NUMB: variants seen among roughly 807,000 people sequenced by gnomAD.
The protein encoded by NUMB is protein numb homolog.
Under a neutral mutation model 59.7 loss-of-function variants are expected in NUMB, and 29 were observed. That is an observed-to-expected ratio of 0.49 (90% CI 0.36 to 0.66). The LOEUF (loss-of-function observed/expected upper bound fraction) is 0.66. NUMB is among the 30% of genes least tolerant of loss of function. NUMB has a pLI of 0.00. For synonymous variants in NUMB, 288 were observed against 288.2 expected (o/e 1.00, Z 0.01); for missense variants, 723 against 822.0 (o/e 0.88, Z 1.47).
intron 1 of NUMB, among the ~76,000 whole-genome samples, chr14:73,440,087 T>C (rs1442755414): frequency 6.6e-6 from 1 of 151,948 alleles, no homozygotes; most frequent in Non-Finnish European, 1.5e-5. Flanking sequence ...GCCAACAAAT[T>C]GCTATTGGAA....
chr14:73,308,118 T>C (rs1890566997), intron 6 of NUMB, among the ~76,000 whole-genome samples: 1 of 152,090 alleles, frequency 6.6e-6, no homozygotes, highest in African/African-American at 2.4e-5. Flanking sequence ...GGTAGTAGGA[T>C]GCTAGTAGGA....
intron 2 of NUMB, among the ~76,000 whole-genome samples, chr14:73,398,739 A>T (rs1404350447): frequency 1.3e-5 from 2 of 152,172 alleles, no homozygotes; most frequent in Non-Finnish European, 2.9e-5. Flanking sequence ...GATAAGACCA[A>T]ATATTGGTGA....
At chr14:73,394,410 A>ATTTTT (rs1896017440) in intron 2 of NUMB, among the ~76,000 whole-genome samples, 1 of 149,894 alleles carries the variant, frequency 6.7e-6, no homozygotes, top group Non-Finnish European at 1.5e-5. Flanking sequence ...TTCTTTAAAA[A>ATTTTT]AAAAAAAAAA....
Position 73,275,839 on chromosome 14 carries a change from T to C in NUMB, c.*739A>G, listed in dbSNP as rs1888114701. On this transcript the variant is annotated 3_prime_UTR_variant, in exon 13 of 13. Coordinates refer to ENST00000555238, the MANE Select transcript of NUMB (RefSeq NM_001005743.2). ...GTCTGCAGCTTCCAGCCTTTCCTCT[T>C]TTTATTTCAGTAGGCATCAATGATA... 6.6e-6 allele frequency: 1 copy of C among 152,658 alleles called. No individual in the cohort carries two copies. Among genetic ancestry groups the C allele is most frequent in the Non-Finnish European group, 1.5e-5 (1 of 68,030 alleles). 9.5% of individuals were successfully genotyped at this position (152,658 alleles called of 1,614,324 possible).
chr14:73,436,842 G>T (rs1453486991), intron 1 of NUMB, among the ~76,000 whole-genome samples: 1 of 151,430 alleles, frequency 6.6e-6, no homozygotes, highest in Non-Finnish European at 1.5e-5. Flanking sequence ...AGCTGGGCGT[G>T]GTGGTGCCTG....
At chr14:73,293,000 G>A (rs888191029) in intron 7 of NUMB, 126 bp from the exon 8 acceptor site, 1 of 947,320 alleles carries the variant, frequency 1.1e-6, no homozygotes, top group East Asian at 2.5e-5. Flanking sequence ...GGAATACCTA[G>A]ATCTGTGTCC....
intron 11 of NUMB, among the ~76,000 whole-genome samples, chr14:73,280,978 C>T (rs1051257039): frequency 6.6e-6 from 1 of 152,066 alleles, no homozygotes; most frequent in Non-Finnish European, 1.5e-5. Context: ...ATGTGAGCCA[C>T]CGCACCCAGC....
At chr14:73,377,988 TACACATACACACACACACACACACAC>T (rs1020637308) in intron 2 of NUMB, among the ~76,000 whole-genome samples, 8 of 105,996 alleles carry the variant, frequency 7.5e-5, no homozygotes, top group South Asian at 5.4e-4. Flanking sequence ...GATATATATA[TACACATACACACACACACACACACAC>T]ACACATACAC....
At chr14:73,361,644 T>G (rs986050574) in intron 3 of NUMB, among the ~76,000 whole-genome samples, 1 of 152,146 alleles carries the variant, frequency 6.6e-6, no homozygotes, top group African/African-American at 2.4e-5. Context: ...CCCCTGTGTC[T>G]GTTGTTTCCT....
At position 73,276,471 on chromosome 14, in the gene NUMB, A is replaced by G. The variant is rs1343057848; in HGVS notation, c.*107T>C. On this transcript the variant is annotated 3_prime_UTR_variant, in exon 13 of 13. Coordinates refer to ENST00000555238, the MANE Select transcript of NUMB (RefSeq NM_001005743.2). ...GGACTTGTTCCTTGGGACCTTTGGG[A>G]TTAGTGAAAAGAGTACTAATCAGGA... The G allele has an allele frequency of 1.2e-6, 1 of 810,736 alleles. No homozygotes were observed. The highest frequency in any genetic ancestry group is 1.7e-5 in the African/African-American group (1 of 57,874). The allele number at this position is 810,736 out of a possible 1,614,324, so 50.2% of individuals were successfully genotyped here.
intron 1 of NUMB, among the ~76,000 whole-genome samples, chr14:73,428,570 G>T (rs1300665010): frequency 1.3e-5 from 2 of 152,290 alleles, no homozygotes; most frequent in East Asian, 3.9e-4. Context: ...GACGTCAGGG[G>T]ATCTCTTGAA....
At chr14:73,456,291 T>A (rs1315445666) in intron 1 of NUMB, among the ~76,000 whole-genome samples, 1 of 151,800 alleles carries the variant, frequency 6.6e-6, no homozygotes, top group Non-Finnish European at 1.5e-5. Flanking sequence ...GTATTTTTTT[T>A]AAAGATGGGG....
At chr14:73,316,339 C>CT in intron 6 of NUMB, 51 bp downstream of exon 6, 1 of 1,522,044 alleles carries the variant, frequency 6.6e-7, no homozygotes. Context: ...CAGTGCTACA[C>CT]TAGGGGTGTA....
At chr14:73,404,212 A>G (rs1303305684) in intron 2 of NUMB, among the ~76,000 whole-genome samples, 1 of 151,946 alleles carries the variant, frequency 6.6e-6, no homozygotes, top group Non-Finnish European at 1.5e-5. Context: ...ACTGAACTCC[A>G]GTCTTGGTGA....
At chr14:73,387,439 A>C (rs985852893) in intron 2 of NUMB, among the ~76,000 whole-genome samples, 1 of 152,210 alleles carries the variant, frequency 6.6e-6, no homozygotes, top group Non-Finnish European at 1.5e-5. Context: ...GAAGTGCTAC[A>C]AGGGAGTCCT....
chr14:73,392,908 G>A lies in NUMB; in HGVS notation c.-101+17029C>T, dbSNP rs145649862. Among the ~76,000 whole-genome samples the A allele has an allele frequency of 6.2e-4, 95 of 152,134 alleles. 1 individual carries two copies. The highest frequency in any genetic ancestry group is 8.7e-4 in the African/African-American group (36 of 41,502). ...GAGATTGGGGGATTTTTTTCTGGGCGGGGGGAGTTCTATGAAGTCCCAAAG... is the reference window on the plus strand; with the variant it reads ...GAGATTGGGGGATTTTTTTCTGGGCAGGGGGAGTTCTATGAAGTCCCAAAG... On this transcript the variant is annotated intron_variant, in intron 2 of 12. Transcript: ENST00000555238.
At chr14:73,424,508 A>G (rs2140157507) in intron 1 of NUMB, among the ~76,000 whole-genome samples, 1 of 151,980 alleles carries the variant, frequency 6.6e-6, no homozygotes, top group South Asian at 2.1e-4. Context: ...CTTTCTTGAT[A>G]AAACACTCTC....
In NUMB at chr14:73,442,526, A is replaced by T. The variant is rs548868011; in HGVS notation, c.-233+15967T>A. Among the ~76,000 whole-genome samples, 7 of 152,340 alleles carry T rather than the reference A, an allele frequency of 4.6e-5. No homozygotes were observed. The East Asian group carries it at 9.6e-4, about 21-fold the overall frequency. The stretch of plus-strand genomic sequence containing the variant: ...ATAATCCAATGTCTATCAGCAGAAG[A>T]AATTTTTTAAATTGCAATATATCCA... On this transcript the variant is annotated intron_variant, in intron 1 of 12. Transcript: ENST00000555238.
At chr14:73,429,142 C>T (rs1170108861) in intron 1 of NUMB, among the ~76,000 whole-genome samples, 4 of 152,206 alleles carry the variant, frequency 2.6e-5, no homozygotes, top group African/African-American at 4.8e-5. Flanking sequence ...GAGGCCGAGG[C>T]GGGCGGATCG....
Sources: gnomAD v4.1 joint callset for allele counts (sites outside exome capture counted in the v4.1 genomes callset) on GRCh38, gnomAD v4.1.1 for gene constraint, MANE v1.5 for transcripts, NCBI Gene and HGNC (gene_info 2026-07-23, HGNC 2026-07-21) for gene names.